Variants in SLC10A7 observed in about 807,000 individuals in gnomAD.
The protein encoded by SLC10A7 is solute carrier family 10 member 7, also known as sodium/bile acid cotransporter 7.
SLC10A7 carries 29 observed loss-of-function variants against 43.2 expected under a neutral mutation model. The observed-to-expected ratio is 0.67, with a 90% confidence interval of 0.50 to 0.92. SLC10A7 has a LOEUF of 0.92. Among genes scored for constraint, SLC10A7 ranks in the 40% least tolerant of loss-of-function variants. SLC10A7 has a pLI of 0.00. For synonymous variants in SLC10A7, 152 were observed against 144.8 expected, an observed-to-expected ratio of 1.05 and a Z score of -0.35; for missense variants, 295 against 403.2, an observed-to-expected ratio of 0.73 and a Z score of 2.30.
At chr4:146,328,963 G>C (rs966985667) in intron 5 of SLC10A7, among the ~76,000 whole-genome samples, 1 of 152,162 alleles carries the variant, frequency 6.6e-6, no homozygotes, top group Non-Finnish European at 1.5e-5. Flanking sequence ...AGATCCAAAG[G>C]AGAAGGAAAT....
At chr4:146,472,240 G>C (rs1413525803) in intron 4 of SLC10A7, among the ~76,000 whole-genome samples, 1 of 152,078 alleles carries the variant, frequency 6.6e-6, no homozygotes, top group East Asian at 1.9e-4. Context: ...TTAAGCGCCT[G>C]TTTAGAAAAA....
At chr4:146,305,381 C>T (rs1157100977) in intron 7 of SLC10A7, among the ~76,000 whole-genome samples, 3 of 140,804 alleles carry the variant, frequency 2.1e-5, no homozygotes, top group Non-Finnish European at 4.5e-5. Context: ...ACAATGAGAT[C>T]ACATGGACAC....
intron 10 of SLC10A7, among the ~76,000 whole-genome samples, chr4:146,276,720 T>G (rs1344419519): frequency 6.6e-6 from 1 of 151,924 alleles, no homozygotes; most frequent in Non-Finnish European, 1.5e-5. Flanking sequence ...GAGGCTGAGG[T>G]GGGAGGATTG....
At chr4:146,374,722 C>A (rs1737061917) in intron 5 of SLC10A7, among the ~76,000 whole-genome samples, 1 of 150,236 alleles carries the variant, frequency 6.7e-6, no homozygotes, top group African/African-American at 2.5e-5. Flanking sequence ...GTTTAGATTC[C>A]TAAAGAAACT....
intron 5 of SLC10A7, among the ~76,000 whole-genome samples, chr4:146,420,125 T>C (rs1248359212): frequency 6.6e-6 from 1 of 152,174 alleles, no homozygotes. Flanking sequence ...GAATTAATGG[T>C]TGAACTAAAA....
intron 5 of SLC10A7, among the ~76,000 whole-genome samples, chr4:146,361,293 T>C (rs928754247): frequency 1.3e-5 from 2 of 152,212 alleles, no homozygotes; most frequent in African/African-American, 4.8e-5. Context: ...TATTTTGTGA[T>C]TTATTGTTCA....
intron 1 of SLC10A7, among the ~76,000 whole-genome samples, chr4:146,519,087 ATATATATATATATATATATATATAT>A (rs1579404940): frequency 4.4e-5 from 5 of 114,924 alleles, no homozygotes; most frequent in South Asian, 2.6e-4. Context: ...ATATATATAT[ATATATATATATATATATATATATAT>A]AATATAATAT....
chr4:146,406,009 T>C (rs1016755417), intron 5 of SLC10A7, among the ~76,000 whole-genome samples: 22 of 152,184 alleles, frequency 1.4e-4, no homozygotes, highest in African/African-American at 5.1e-4. Flanking sequence ...AGCATTTGCA[T>C]AGCAAAGAGA....
intron 4 of SLC10A7, among the ~76,000 whole-genome samples, chr4:146,449,909 T>C (rs1731437195): frequency 6.6e-6 from 1 of 152,152 alleles, no homozygotes; most frequent in Admixed American, 6.5e-5. Flanking sequence ...TTACCAAAGA[T>C]ATGACTATTT....
chr4:146,507,243 A>G (rs981671982), intron 3 of SLC10A7, among the ~76,000 whole-genome samples: 2 of 152,168 alleles, frequency 1.3e-5, no homozygotes, highest in African/African-American at 2.4e-5. Context: ...CTTTGAAGTT[A>G]TATGTGACTC....
chr4:146,258,804 T>G lies in SLC10A7; in HGVS notation c.881A>C (p.His294Pro). Residue 294 changes from histidine (H) to proline (P), a missense_variant, in exon 11 of 12, where the codon CAT becomes CCT. By Grantham distance (77) the His-to-Pro change is moderately conservative. Transcript: ENST00000335472. ...TACAGATATTAAAGAGAGATGCTCA[T>G]GGCCTGCAAACACGATCTTCAGCAT... ...IPMLKIVFAGHEHLSLISVPL... is the reference protein window; with the variant it reads ...IPMLKIVFAGPEHLSLISVPL... 1 of 1,610,030 alleles carries G rather than the reference T, an allele frequency of 6.2e-7. No individual in the cohort carries two copies. Among genetic ancestry groups the G allele is most frequent in the Non-Finnish European group, 8.5e-7 (1 of 1,179,118 alleles).
At chr4:146,355,894 TG>T (rs1196023142) in intron 5 of SLC10A7, among the ~76,000 whole-genome samples, 3 of 54,160 alleles carry the variant, frequency 5.5e-5, no homozygotes, top group African/African-American at 7.5e-5. Context: ...TGTGGTGGGG[TG>T]GGGGGAGGGG....
At chr4:146,431,540 A>G (rs766910336) in intron 5 of SLC10A7, among the ~76,000 whole-genome samples, 1 of 152,144 alleles carries the variant, frequency 6.6e-6, no homozygotes, top group Non-Finnish European at 1.5e-5. Flanking sequence ...AAAATCCATA[A>G]AGGAAAAAAT....
chr4:146,511,731 G>A (rs1737490039), intron 2 of SLC10A7, among the ~76,000 whole-genome samples: 1 of 152,006 alleles, frequency 6.6e-6, no homozygotes, highest in South Asian at 2.1e-4. Context: ...TAGGTCCTGG[G>A]ATCAGACCTA....
intron 10 of SLC10A7, among the ~76,000 whole-genome samples, chr4:146,270,376 C>G (rs527466615): frequency 6.6e-6 from 1 of 152,204 alleles, no homozygotes; most frequent in Non-Finnish European, 1.5e-5. Flanking sequence ...AATTAGTACA[C>G]AAATGGTCAG....
intron 9 of SLC10A7, among the ~76,000 whole-genome samples, chr4:146,289,286 C>T (rs2111163181): frequency 6.6e-6 from 1 of 152,254 alleles, no homozygotes; most frequent in African/African-American, 2.4e-5. Context: ...TCCTGCTTCT[C>T]CCAGGGCTAT....
intron 5 of SLC10A7, among the ~76,000 whole-genome samples, chr4:146,421,199 C>T (rs1728940667): frequency 6.6e-6 from 1 of 152,000 alleles, no homozygotes; most frequent in African/African-American, 2.4e-5. Context: ...GTTAGGTATC[C>T]CTAACTCAAA....
chr4:146,345,513 C>T (rs1560818444), intron 5 of SLC10A7, among the ~76,000 whole-genome samples: 1 of 152,144 alleles, frequency 6.6e-6, no homozygotes, highest in African/African-American at 2.4e-5. Flanking sequence ...TGGTCTATTC[C>T]TTGACCGGGC....
intron 5 of SLC10A7, among the ~76,000 whole-genome samples, chr4:146,429,991 A>T (rs6812728): frequency 0.82 from 124,409 of 151,862 alleles, 51,663 homozygotes; most frequent in African/African-American, 0.93. Flanking sequence ...TACAAAAAAA[A>T]TCATTCAAAA....
Sources: gnomAD v4.1 joint callset for allele counts (sites outside exome capture counted in the v4.1 genomes callset) on GRCh38, gnomAD v4.1.1 for gene constraint, MANE v1.5 for transcripts, NCBI Gene and HGNC (gene_info 2026-07-23, HGNC 2026-07-21) for gene names.